Variants in ITPR1 observed in about 807,000 individuals in gnomAD.
ITPR1 encodes inositol 1,4,5-trisphosphate receptor type 1, also known as inositol 1,4,5-trisphosphate-gated calcium channel ITPR1.
ITPR1 carries 96 observed loss-of-function variants against 318.4 expected under a neutral mutation model. The ratio of observed to expected loss-of-function variants is 0.30; its 90% CI spans 0.26 to 0.36. The LOEUF (loss-of-function observed/expected upper bound fraction) is 0.36, where lower values mean the gene tolerates loss of function less well. Ranked by LOEUF, ITPR1 falls within the 10% of genes least tolerant of loss-of-function variation. The probability of loss-of-function intolerance (pLI) is 1.00; values close to 1 mark genes in which losing one functional copy is unlikely to be tolerated. For synonymous variants in ITPR1, 1,312 were observed against 1,289.9 expected, an observed-to-expected ratio of 1.02 and a Z score of -0.37; for missense variants, 2,440 against 3,460.2, an observed-to-expected ratio of 0.71 and a Z score of 7.40.
At chr3:4,626,065 G>C (rs937259076) in intron 4 of ITPR1, among the ~76,000 whole-genome samples, 2 of 152,040 alleles carry the variant, frequency 1.3e-5, no homozygotes, top group Non-Finnish European at 2.9e-5. Context: ...CTTCAGTCCA[G>C]GAGTTCCAGG....
At chr3:4,776,147 C>T (rs1008931820) in intron 47 of ITPR1, among the ~76,000 whole-genome samples, 4 of 152,148 alleles carry the variant, frequency 2.6e-5, no homozygotes, top group East Asian at 1.9e-4. Flanking sequence ...GGTGCAATCT[C>T]GGCTCACTGC....
At chr3:4,760,935 C>G (rs1043804587) in intron 44 of ITPR1, among the ~76,000 whole-genome samples, 1 of 152,202 alleles carries the variant, frequency 6.6e-6, no homozygotes, top group African/African-American at 2.4e-5. Context: ...TTCCCCTTCG[C>G]CACATAAGAC....
At position 4,699,932 on chromosome 3, in the gene ITPR1, G is replaced by C; in HGVS notation, c.4527G>C (p.Thr1509=). 6.2e-7 allele frequency: 1 copy of C among 1,612,982 alleles called. No individual in the cohort carries two copies. Among genetic ancestry groups the C allele is most frequent in the South Asian group, 1.1e-5 (1 of 91,010 alleles). ...GCTCTCCCTTCTCAGACCAGAGTAC[G>C]ACTTTGCAGGTAAGAAATAACCAAC... ...FFSSPFSDQS[T]TLQTRQPVFV... is the part of the protein sequence containing the mutation. Residue 1509 remains threonine, a synonymous_variant, in exon 35 of 62, where the codon ACG becomes ACC. Coordinates refer to ENST00000649015, the MANE Select transcript of ITPR1 (RefSeq NM_001378452.1).
chr3:4,736,875 G>A (rs546627566), intron 44 of ITPR1, among the ~76,000 whole-genome samples: 1 of 152,318 alleles, frequency 6.6e-6, no homozygotes, highest in East Asian at 1.9e-4. Flanking sequence ...TGCTATACCA[G>A]GGGCGATGAT....
chr3:4,803,414 A>G (rs1275912748), intron 54 of ITPR1, among the ~76,000 whole-genome samples: 1 of 152,240 alleles, frequency 6.6e-6, no homozygotes, highest in Non-Finnish European at 1.5e-5. Flanking sequence ...TGGGAGAAGA[A>G]TAATGTGGCC....
chr3:4,839,288 C>G (rs2051164394), intron 61 of ITPR1, among the ~76,000 whole-genome samples: 1 of 151,856 alleles, frequency 6.6e-6, no homozygotes, highest in Admixed American at 6.6e-5. Flanking sequence ...GATCACGTCA[C>G]TGCACTCCAG....
chr3:4,618,322 A>G (rs1235798569), intron 4 of ITPR1, among the ~76,000 whole-genome samples: 2 of 152,136 alleles, frequency 1.3e-5, no homozygotes, highest in African/African-American at 4.8e-5. Flanking sequence ...TTTTCTTCTG[A>G]TATTTACCAC....
In ITPR1 at chr3:4,699,894, A is replaced by G; in HGVS notation, c.4489A>G (p.Thr1497Ala). The change falls in exon 35 of 62, where the codon ACT becomes GCT. Residue 1497 changes from threonine (T) to alanine (A), a missense_variant. Physicochemically the swap from Thr to Ala is moderately conservative, Grantham distance 58. This residue lies in a region of ITPR1 where 73 missense variants were observed against 59.5 expected (regional missense o/e 1.23). Coordinates refer to ENST00000649015, the MANE Select transcript of ITPR1 (RefSeq NM_001378452.1). ...CACCGAAATCGTCATGAGTATTGTT[A>G]CTACTTTCTTCAGCTCTCCCTTCTC... ...YVTEIVMSIV[T>A]TFFSSPFSDQ... 6.2e-7 allele frequency: 1 copy of G among 1,613,806 alleles called. No individual in the cohort carries two copies. The highest frequency in any genetic ancestry group is 8.5e-7 in the Non-Finnish European group (1 of 1,179,706).
intron 56 of ITPR1, 59 bp from the exon 57 acceptor site, chr3:4,813,083 A>G (rs1307084560): frequency 7.6e-7 from 1 of 1,315,992 alleles, no homozygotes; most frequent in East Asian, 2.3e-5. Context: ...TGGGGACTTC[A>G]AACATTTTAA....
intron 19 of ITPR1, among the ~76,000 whole-genome samples, chr3:4,670,284 G>T (rs1040418967): frequency 6.6e-6 from 1 of 152,172 alleles, no homozygotes; most frequent in Non-Finnish European, 1.5e-5. Flanking sequence ...ACTAAATTAC[G>T]TCCTGAGCTA....
At chr3:4,772,879 A>G (rs753417971) in intron 46 of ITPR1, among the ~76,000 whole-genome samples, 11 of 152,182 alleles carry the variant, frequency 7.2e-5, no homozygotes, top group Non-Finnish European at 1.6e-4. Flanking sequence ...GAGATGGGAG[A>G]GGCTTTCAGG....
Position 4,516,601 on chromosome 3 carries a change from CT to C in ITPR1, c.92+20del. The C allele has an allele frequency of 6.8e-7, 1 of 1,473,538 alleles. No individual in the cohort carries two copies. The highest frequency in any genetic ancestry group is 2.3e-5 in the East Asian group (1 of 43,468). 91.3% of individuals were successfully genotyped at this position (1,473,538 alleles called of 1,614,324 possible). Reference sequence around the variant, plus strand: ...ACCTTGGGGTAAGAGCATGCAATTTCTTGTGTGGCACGGTTTGTTTAAGACA... The same window carrying C: ...ACCTTGGGGTAAGAGCATGCAATTTCTGTGTGGCACGGTTTGTTTAAGACA... On this transcript the variant is annotated intron_variant, in intron 3 of 61. Transcript: ENST00000649015.
intron 4 of ITPR1, among the ~76,000 whole-genome samples, chr3:4,582,716 G>A (rs2089483084): frequency 6.6e-6 from 1 of 152,046 alleles, no homozygotes; most frequent in Admixed American, 6.5e-5. Context: ...GGCTGTGAAA[G>A]TGTCTTACCA....
intron 35 of ITPR1, among the ~76,000 whole-genome samples, chr3:4,701,776 T>G (rs887273536): frequency 6.6e-6 from 1 of 152,224 alleles, no homozygotes; most frequent in African/African-American, 2.4e-5. Flanking sequence ...TGAGATCATA[T>G]GTGAAATGTC....
At position 4,702,766 on chromosome 3, in the gene ITPR1, C is replaced by G. The variant is rs560588494; in HGVS notation, c.4537-64C>G. On this transcript the variant is annotated intron_variant, in intron 35 of 61. Coordinates refer to ENST00000649015, the MANE Select transcript of ITPR1 (RefSeq NM_001378452.1). The stretch of plus-strand genomic sequence containing the variant: ...TCAAGACAATGTCTCTGTCTCTGAT[C>G]GGATCATCAGTAGTCTACAAATAAA... 18 of 1,536,528 alleles carry G rather than the reference C, an allele frequency of 1.2e-5. No homozygotes were observed. The East Asian group carries it at 3.5e-4, about 30-fold the overall frequency.
chr3:4,775,624 A>G (rs373146956), intron 47 of ITPR1, among the ~76,000 whole-genome samples, 182 bp downstream of exon 47: 5 of 152,302 alleles, frequency 3.3e-5, no homozygotes, highest in Admixed American at 3.3e-4. Flanking sequence ...GAACCTTCCT[A>G]ATGAAGGACA....
intron 10 of ITPR1, among the ~76,000 whole-genome samples, chr3:4,651,330 C>A (rs2093594951): frequency 6.6e-6 from 1 of 152,132 alleles, no homozygotes; most frequent in Non-Finnish European, 1.5e-5. Context: ...AGTACCCCAT[C>A]CCCACAAATT....
intron 4 of ITPR1, among the ~76,000 whole-genome samples, chr3:4,582,961 T>C (rs2089506378): frequency 6.6e-6 from 1 of 152,226 alleles, no homozygotes; most frequent in Admixed American, 6.5e-5. Context: ...ATCAGAACCC[T>C]AGGCAGATTT....
chr3:4,772,283 G>C (rs2046237346), intron 46 of ITPR1, among the ~76,000 whole-genome samples: 1 of 152,234 alleles, frequency 6.6e-6, no homozygotes, highest in African/African-American at 2.4e-5. Context: ...GTGTAAAGCA[G>C]CTCAGAGTCA....
Sources: allele counts gnomAD v4.1 joint callset (sites outside exome capture counted in the v4.1 genomes callset), GRCh38; gene constraint gnomAD v4.1.1; regional missense constraint gnomAD v4.1.1; transcripts MANE v1.5; gene names NCBI Gene and HGNC (gene_info 2026-07-23, HGNC 2026-07-21).